Variants in RUNX1 observed in about 807,000 individuals in gnomAD.
RUNX1 encodes runt-related transcription factor 1.
A neutral mutation model predicts 42.8 loss-of-function variants in RUNX1; 19 were observed. The observed-to-expected ratio is 0.44, with a 90% CI of 0.31 to 0.65. The LOEUF is 0.65. RUNX1 is among the 30% of genes least tolerant of loss of function. The pLI, the probability that RUNX1 is intolerant of heterozygous loss-of-function variation, is 0.07. For synonymous variants in RUNX1, 271 were observed against 289.4 expected, an observed-to-expected ratio of 0.94 and a Z score of 0.64; for missense variants, 528 against 672.0, an observed-to-expected ratio of 0.79 and a Z score of 2.37.
chr21:34,819,733 G>A (rs1027945812), intron 7 of RUNX1, among the ~76,000 whole-genome samples: 3 of 152,214 alleles, frequency 2.0e-5, no homozygotes, highest in South Asian at 2.1e-4. Flanking sequence ...ATCCTGAACC[G>A]GGATGACAGG....
intron 3 of RUNX1, chr21:34,888,567 C>T: frequency 9.4e-7 from 1 of 1,062,812 alleles, no homozygotes; most frequent in South Asian, 4.6e-5. Flanking sequence ...CAGAGGTTGA[C>T]TTCCTTCTGG....
chr21:34,889,679 C>G, intron 3 of RUNX1: 2 of 1,159,142 alleles, frequency 1.7e-6, no homozygotes, highest in Non-Finnish European at 2.1e-6. Context: ...GAACCCACCC[C>G]GGCTTCGCGT....
At chr21:34,815,399 G>A (rs1445592009) in intron 7 of RUNX1, among the ~76,000 whole-genome samples, 1 of 152,350 alleles carries the variant, frequency 6.6e-6, no homozygotes, top group East Asian at 1.9e-4. Context: ...TGTAGTTGCT[G>A]TGGAGGAAGC....
chr21:34,998,455 G>A (rs2059013756), intron 2 of RUNX1, among the ~76,000 whole-genome samples: 1 of 151,974 alleles, frequency 6.6e-6, no homozygotes, highest in Non-Finnish European at 1.5e-5. Context: ...TTTGGCTTTG[G>A]GCAACATGAA....
intron 2 of RUNX1, among the ~76,000 whole-genome samples, chr21:34,930,194 AT>A (rs1278878277): frequency 6.9e-6 from 1 of 145,842 alleles, no homozygotes. Context: ...ATATACATAT[AT>A]ATTATATATA....
chr21:34,869,000 G>C (rs1244372939), intron 5 of RUNX1, among the ~76,000 whole-genome samples: 1 of 152,120 alleles, frequency 6.6e-6, no homozygotes, highest in African/African-American at 2.4e-5. Flanking sequence ...TATTACATAG[G>C]CTTTTACTTG....
chr21:34,815,906 C>T (rs535316211), intron 7 of RUNX1, among the ~76,000 whole-genome samples: 13 of 152,066 alleles, frequency 8.5e-5, no homozygotes, highest in Non-Finnish European at 1.5e-4. Flanking sequence ...GGGGGGCTCA[C>T]TAGCTTAGTT....
At chr21:34,899,400 ATC>A (rs749001761) in intron 2 of RUNX1, among the ~76,000 whole-genome samples, 1 of 150,926 alleles carries the variant, frequency 6.6e-6, no homozygotes, top group Non-Finnish European at 1.5e-5. Context: ...GACCAGATTG[ATC>A]TCTCTCTCTC....
intron 6 of RUNX1, 50 bp from the exon 7 acceptor site, chr21:34,834,651 G>T: frequency 7.0e-7 from 1 of 1,438,488 alleles, no homozygotes; most frequent in South Asian, 1.1e-5. Context: ...GAAGGAGGGA[G>T]GGAAGAGATC....
intron 2 of RUNX1, among the ~76,000 whole-genome samples, chr21:35,003,879 A>T (rs192185148): frequency 6.6e-6 from 1 of 152,222 alleles, no homozygotes; most frequent in Admixed American, 6.5e-5. Context: ...GAAAAAAATA[A>T]AAAAGAAAAC....
At chr21:34,802,684 C>T (rs1353380108) in intron 7 of RUNX1, among the ~76,000 whole-genome samples, 1 of 152,174 alleles carries the variant, frequency 6.6e-6, no homozygotes, top group Non-Finnish European at 1.5e-5. Context: ...TTGCAAACAG[C>T]TGTTCCCAAG....
At chr21:34,821,317 G>A in intron 7 of RUNX1, 1 of 1,140,156 alleles carries the variant, frequency 8.8e-7, no homozygotes, top group Non-Finnish European at 1.1e-6. Flanking sequence ...ATTAAGTATT[G>A]AAAGTGTACC....
At chr21:34,840,236 T>C (rs1458387201) in intron 6 of RUNX1, among the ~76,000 whole-genome samples, 3 of 152,188 alleles carry the variant, frequency 2.0e-5, no homozygotes, top group Non-Finnish European at 4.4e-5. Context: ...GTTCCACAAA[T>C]GCAGCAGTTA....
intron 2 of RUNX1, among the ~76,000 whole-genome samples, chr21:35,025,887 C>T (rs1368445896): frequency 2.6e-5 from 4 of 152,076 alleles, no homozygotes; most frequent in African/African-American, 7.2e-5. Context: ...TCTTACTCAT[C>T]TAGGGTGCTT....
At chr21:34,864,659 A>C (rs2146264668) in intron 5 of RUNX1, among the ~76,000 whole-genome samples, 1 of 152,312 alleles carries the variant, frequency 6.6e-6, no homozygotes, top group South Asian at 2.1e-4. Context: ...GAAGGAAGCC[A>C]AGGAAAGGGG....
intron 5 of RUNX1, among the ~76,000 whole-genome samples, chr21:34,876,075 T>C (rs1424928432): frequency 6.6e-6 from 1 of 152,202 alleles, no homozygotes; most frequent in Non-Finnish European, 1.5e-5. Context: ...GAGGTCAATG[T>C]AAACACAAAT....
chr21:34,967,126 C>A (rs1237796234), intron 2 of RUNX1, among the ~76,000 whole-genome samples: 3 of 151,392 alleles, frequency 2.0e-5, no homozygotes, highest in East Asian at 1.9e-4. Context: ...CGAGACCAGC[C>A]TGGCCAACAT....
intron 2 of RUNX1, among the ~76,000 whole-genome samples, chr21:34,954,831 A>G (rs2058633440): frequency 6.6e-6 from 1 of 152,174 alleles, no homozygotes. Flanking sequence ...TGTGAGCAGG[A>G]AATAAGCGTT....
intron 2 of RUNX1, among the ~76,000 whole-genome samples, chr21:34,979,758 G>A (rs1232095784): frequency 1.3e-5 from 2 of 152,228 alleles, no homozygotes; most frequent in Non-Finnish European, 2.9e-5. Flanking sequence ...CTCTGATGAT[G>A]TTCACAGTAG....
Sources: gnomAD v4.1 joint callset for allele counts (sites outside exome capture counted in the v4.1 genomes callset) on GRCh38, gnomAD v4.1.1 for gene constraint, MANE v1.5 for transcripts, NCBI Gene and HGNC (gene_info 2026-07-23, HGNC 2026-07-21) for gene names.